Variants in ADAMTS3 observed in about 807,000 individuals in gnomAD.
ADAMTS3 encodes the protein A disintegrin and metalloproteinase with thrombospondin motifs 3.
Under a neutral mutation model 129.0 loss-of-function variants are expected in ADAMTS3, and 73 were observed. The ratio of observed to expected loss-of-function variants is 0.57; its 90% CI spans 0.47 to 0.69. ADAMTS3 has a LOEUF of 0.69. Ranked by LOEUF, ADAMTS3 falls within the 30% of genes least tolerant of loss-of-function variation. The pLI is 0.00. For missense variants in ADAMTS3, 1,457 were observed against 1,514.5 expected, an observed-to-expected ratio of 0.96 and a Z score of 0.63; for synonymous variants, 477 against 510.8, an observed-to-expected ratio of 0.93 and a Z score of 0.89.
rs72852062 is a variant in ADAMTS3 at position 72,424,302 on chromosome 4, C to T, written c.505-9331G>A. The stretch of plus-strand genomic sequence containing the variant: ...TAAAGCAAATGAATCTAACCTTAAC[C>T]AGGAACATTAGACATTACCATTTCA... On this transcript the variant is annotated intron_variant, in intron 3 of 21. Coordinates refer to ENST00000286657, the MANE Select transcript of ADAMTS3 (RefSeq NM_014243.3). Among the ~76,000 whole-genome samples the T allele has an allele frequency of 5.9e-3, 891 of 152,174 alleles. 15 individuals are homozygous for T. Among genetic ancestry groups the T allele is most frequent in the African/African-American group, 0.021 (852 of 41,540 alleles).
In ADAMTS3 at chr4:72,530,075, ATTATAT is replaced by A. The variant is rs1397651477; in HGVS notation, c.504+18397_504+18402del. 1.1e-3 allele frequency among the ~76,000 whole-genome samples: 15 copies of A among 13,502 alleles called. 6 individuals are homozygous for A. The highest frequency in any genetic ancestry group is 9.0e-3 in the African/African-American group (15 of 1,666). 8.9% of individuals were successfully genotyped at this position (13,502 alleles called of 152,430 possible). On this transcript the variant is annotated intron_variant, in intron 3 of 21. Transcript: ENST00000286657. ...ATATATAATATGTTATATATAACATATTATATTTATATATAATATGTTATATATAAC... is the reference window on the plus strand; with the variant it reads ...ATATATAATATGTTATATATAACATATTATATATAATATGTTATATATAAC...
At chr4:72,294,980 T>G (rs1718768769) in intron 19 of ADAMTS3, among the ~76,000 whole-genome samples, 2 of 152,044 alleles carry the variant, frequency 1.3e-5, no homozygotes, top group African/African-American at 4.8e-5. Context: ...GACTCTTCCA[T>G]TTCTATGGAG....
chr4:72,284,436 C>A (rs535620561), intron 21 of ADAMTS3, among the ~76,000 whole-genome samples: 3 of 125,630 alleles, frequency 2.4e-5, no homozygotes, highest in Admixed American at 8.3e-5. Context: ...CAGAGCGAGA[C>A]TCTGTCTCAA....
intron 2 of ADAMTS3, among the ~76,000 whole-genome samples, chr4:72,560,733 T>G (rs1419384639): frequency 1.3e-5 from 2 of 152,154 alleles, no homozygotes; most frequent in African/African-American, 2.4e-5. Flanking sequence ...AGCTAATACA[T>G]GCTGAGCTTA....
intron 3 of ADAMTS3, among the ~76,000 whole-genome samples, chr4:72,540,805 G>A (rs891781340): frequency 6.6e-6 from 1 of 152,230 alleles, no homozygotes; most frequent in Non-Finnish European, 1.5e-5. Flanking sequence ...CAGAAGTCAA[G>A]TACTGACGTT....
intron 4 of ADAMTS3, among the ~76,000 whole-genome samples, chr4:72,372,102 G>A (rs113066978): frequency 0.018 from 2,676 of 152,172 alleles, 32 homozygotes; most frequent in Non-Finnish European, 0.027. Context: ...TGTGATGCAC[G>A]TAAGGCTGTA....
Position 72,312,144 on chromosome 4 carries a change from T to C in ADAMTS3, c.1921+147A>G, listed in dbSNP as rs551920913. 1.0e-4 allele frequency: 81 copies of C among 778,078 alleles called. 1 individual carries two copies. In the African/African-American group the frequency reaches 1.4e-3, roughly 13 times the overall value. 48.2% of individuals were successfully genotyped at this position (778,078 alleles called of 1,614,324 possible). A position where few individuals can be genotyped will look rare whatever the true frequency, so the allele number is the denominator to read the frequency against. On this transcript the variant is annotated intron_variant, in intron 13 of 21. Transcript: ENST00000286657. ...GAGAAAGGGTATTTAAGCCTTATTC[T>C]TAGAAACCCAGGAGAACTTACTCCT...
chr4:72,430,020 T>C lies in ADAMTS3; in HGVS notation c.505-15049A>G, dbSNP rs115662918. Among the ~76,000 whole-genome samples, 547 of 152,128 alleles carry C rather than the reference T, an allele frequency of 3.6e-3. 3 individuals are homozygous for C. The highest frequency in any genetic ancestry group is 6.6e-3 in the South Asian group (32 of 4,826). On this transcript the variant is annotated intron_variant, in intron 3 of 21. Coordinates refer to ENST00000286657, the MANE Select transcript of ADAMTS3 (RefSeq NM_014243.3). ...TCTGCTCCCTGAACAACGGTTTAAGTAGCAAGGCCTCAGGGCATTTGAACC... is the reference window on the plus strand; with the variant it reads ...TCTGCTCCCTGAACAACGGTTTAAGCAGCAAGGCCTCAGGGCATTTGAACC...
chr4:72,375,797 T>A (rs779199904), intron 4 of ADAMTS3, among the ~76,000 whole-genome samples: 1 of 152,166 alleles, frequency 6.6e-6, no homozygotes, highest in Non-Finnish European at 1.5e-5. Flanking sequence ...CAAGAATTAT[T>A]TCACTCCAAA....
intron 3 of ADAMTS3, among the ~76,000 whole-genome samples, chr4:72,541,833 T>G (rs753576732): frequency 4.2e-4 from 64 of 152,306 alleles, no homozygotes; most frequent in Admixed American, 9.1e-4. Context: ...TCCATTAGTT[T>G]TCTTTTTCTT....
At position 72,283,465 on chromosome 4, in the gene ADAMTS3, G is replaced by A. The variant is rs142937879; in HGVS notation, c.3289C>T (p.Pro1097Ser). 2,162 of 1,614,038 alleles carry A rather than the reference G, an allele frequency of 1.3e-3. 1 individual carries two copies. Among genetic ancestry groups the A allele is most frequent in the Non-Finnish European group, 1.7e-3 (2,051 of 1,179,974 alleles). ...TSLVPYHSET[P>S]AKKMSLSSIS... ...CTACTCAAAGACATCTTCTTTGCAG[G>A]GGTCTCTGAATGATAAGGAACCAAA... is the stretch of plus-strand genomic sequence containing the variant. Residue 1097 changes from proline (P) to serine (S), a missense_variant, in exon 22 of 22, where the codon CCT (proline) becomes TCT (serine). Coordinates refer to ENST00000286657, the MANE Select transcript of ADAMTS3 (RefSeq NM_014243.3).
chr4:72,363,138 C>G (rs1180193164), intron 4 of ADAMTS3, among the ~76,000 whole-genome samples: 1 of 151,776 alleles, frequency 6.6e-6, no homozygotes, highest in Non-Finnish European at 1.5e-5. Context: ...GCCTTAAATG[C>G]AAGAAAATAG....
At chr4:72,457,332 A>T (rs978956078) in intron 3 of ADAMTS3, among the ~76,000 whole-genome samples, 4 of 151,676 alleles carry the variant, frequency 2.6e-5, no homozygotes, top group Non-Finnish European at 4.4e-5. Context: ...TAGCACTTTA[A>T]TTGACTTGTA....
At chr4:72,423,966 C>CT (rs1388007050) in intron 3 of ADAMTS3, among the ~76,000 whole-genome samples, 1 of 152,010 alleles carries the variant, frequency 6.6e-6, no homozygotes, top group African/African-American at 2.4e-5. Context: ...ATTTTTATCT[C>CT]TTTTGAACTC....
intron 4 of ADAMTS3, among the ~76,000 whole-genome samples, chr4:72,360,655 G>A (rs1366404558): frequency 1.3e-5 from 2 of 151,888 alleles, no homozygotes; most frequent in East Asian, 3.9e-4. Flanking sequence ...AAAAGGTACT[G>A]CAACATATTT....
intron 4 of ADAMTS3, among the ~76,000 whole-genome samples, chr4:72,364,819 C>G (rs544335242): frequency 6.6e-6 from 1 of 151,978 alleles, no homozygotes; most frequent in South Asian, 2.1e-4. Context: ...AAACTCATGG[C>G]CTGAAGTGAT....
In ADAMTS3 at chr4:72,332,717, T is replaced by C. The variant is rs577782797; in HGVS notation, c.861+6777A>G. ...GCAGAGTGTTGCTGATGGAAAATAT[T>C]TGGTACATTGAACGAAAACAACCTA... On this transcript the variant is annotated intron_variant, in intron 5 of 21. Coordinates refer to ENST00000286657, the MANE Select transcript of ADAMTS3 (RefSeq NM_014243.3). Among the ~76,000 whole-genome samples, 62 of 152,266 alleles carry C rather than the reference T, an allele frequency of 4.1e-4. 1 individual carries two copies. The South Asian group carries it at 0.013, about 32-fold the overall frequency.
At chr4:72,510,973 T>C (rs778673146) in intron 3 of ADAMTS3, among the ~76,000 whole-genome samples, 16 of 151,662 alleles carry the variant, frequency 1.1e-4, no homozygotes, top group Non-Finnish European at 2.1e-4. Context: ...AACAAATCCA[T>C]ACACACACAG....
chr4:72,475,026 A>C (rs6446831), intron 3 of ADAMTS3, among the ~76,000 whole-genome samples: 128,111 of 135,054 alleles, frequency 0.95, 60,834 homozygotes, highest in East Asian at 0.99. Context: ...GACTCCGTCT[A>C]AAAAAAAAAA....
Sources: allele counts gnomAD v4.1 joint callset (sites outside exome capture counted in the v4.1 genomes callset), GRCh38; gene constraint gnomAD v4.1.1; transcripts MANE v1.5; gene names NCBI Gene and HGNC (gene_info 2026-07-23, HGNC 2026-07-21).